The following CAST variants were observed in gnomAD, a reference collection of about 807,000 sequenced individuals.
CAST encodes MIR583 host.
CAST carries 76 observed loss-of-function variants against 119.6 expected under a neutral mutation model. That is an observed-to-expected ratio of 0.64 (90% CI 0.53 to 0.77). The LOEUF (loss-of-function observed/expected upper bound fraction) is 0.77, where lower values mean the gene tolerates loss of function less well. Among genes scored for constraint, CAST ranks in the 30% least tolerant of loss-of-function variants. The pLI is 0.00. For synonymous variants in CAST, 319 were observed against 331.6 expected (o/e 0.96, Z 0.41); for missense variants, 953 against 946.5 (o/e 1.01, Z -0.09).
At chr5:96,053,253 C>T in the CAST span, among the ~76,000 whole-genome samples, 3 of 152,164 alleles carry the variant, frequency 2.0e-5, no homozygotes, top group South Asian at 6.2e-4. Context: ...GTCTGAGGTA[C>T]AGCCTGGACA....
At chr5:96,398,840 A>AATATATATATGG in the CAST span, 2 of 1,517,514 alleles carry the variant, frequency 1.3e-6, no homozygotes, top group East Asian at 4.5e-5. Flanking sequence ...TTCAACTTAC[A>AATATATATATGG]CTTAAAAATA....
the CAST span, among the ~76,000 whole-genome samples, chr5:96,473,185 A>T: frequency 6.6e-6 from 1 of 152,218 alleles, no homozygotes. Context: ...TTAGGATGGG[A>T]ACATGTCTTT....
chr5:95,979,433 G>T, the CAST span, among the ~76,000 whole-genome samples: 2 of 152,110 alleles, frequency 1.3e-5, no homozygotes, highest in Non-Finnish European at 2.9e-5. Flanking sequence ...CAGGATAGAG[G>T]ATATAAGTAA....
chr5:96,069,633 C>T, the CAST span, among the ~76,000 whole-genome samples: 1 of 150,584 alleles, frequency 6.6e-6, no homozygotes, highest in Non-Finnish European at 1.5e-5. Context: ...CAGGTGTGTG[C>T]CACTACATCT....
chr5:96,605,561 C>T (rs17475276), intron 1 of CAST, among the ~76,000 whole-genome samples: 12,567 of 152,038 alleles, frequency 0.083, 595 homozygotes, highest in African/African-American at 0.14. Flanking sequence ...ATGTATAAAA[C>T]GTTGCTAGCC....
the CAST span, among the ~76,000 whole-genome samples, chr5:96,071,750 A>G: frequency 6.6e-6 from 1 of 152,188 alleles, no homozygotes; most frequent in Non-Finnish European, 1.5e-5. Context: ...TTTTTTAAAA[A>G]AAGTTTTAAA....
At chr5:96,201,379 C>T in the CAST span, among the ~76,000 whole-genome samples, 2 of 152,046 alleles carry the variant, frequency 1.3e-5, no homozygotes, top group Admixed American at 6.6e-5. Context: ...TCCTGGGATC[C>T]TGCACATTAA....
rs776948503 is a variant in CAST, at chr5:96,722,655, G to A, written c.227G>A (p.Gly76Asp). 2 of 1,613,136 alleles carry A rather than the reference G, an allele frequency of 1.2e-6. No individual in the cohort carries two copies. Among genetic ancestry groups the A allele is most frequent in the Admixed American group, 1.7e-5 (1 of 60,016 alleles). ...CCTTTCTAGGTGTCAGCTTCCTCTG[G>A]TGCAACCAGCAAGTCTTCCAGTATG... ...ASATKVSASSGATSKSSSMNP... is the reference protein window; with the variant it reads ...ASATKVSASSDATSKSSSMNP... Residue 76 changes from glycine to aspartate, a missense_variant, in exon 4 of 32, where the codon GGT becomes GAT. Transcript: ENST00000675179.
At chr5:96,153,547 T>C in the CAST span, among the ~76,000 whole-genome samples, 2 of 152,160 alleles carry the variant, frequency 1.3e-5, no homozygotes, top group African/African-American at 4.8e-5. Context: ...GCCCCAAAAA[T>C]GTCAGGGGCA....
At chr5:96,614,100 C>G (rs528472319) in intron 1 of CAST, among the ~76,000 whole-genome samples, 1 of 152,138 alleles carries the variant, frequency 6.6e-6, no homozygotes, top group African/African-American at 2.4e-5. Flanking sequence ...CAAATGCTGC[C>G]GGTCCAAGGA....
intron 1 of CAST, among the ~76,000 whole-genome samples, chr5:96,664,495 C>G (rs1749063733): frequency 6.6e-6 from 1 of 152,062 alleles, no homozygotes; most frequent in African/African-American, 2.4e-5. Flanking sequence ...CTCCTGGTCT[C>G]AAGCAATCCT....
chr5:96,619,889 A>C (rs1747562933), intron 1 of CAST, among the ~76,000 whole-genome samples: 1 of 152,216 alleles, frequency 6.6e-6, no homozygotes, highest in South Asian at 2.1e-4. Context: ...GGGTTACCTG[A>C]CTTGAATTGG....
At chr5:96,452,976 A>AAAAAAAAAAAAAAGAAG in the CAST span, among the ~76,000 whole-genome samples, 2 of 142,352 alleles carry the variant, frequency 1.4e-5, no homozygotes, top group African/African-American at 5.9e-5. Context: ...AAAAAAAAAA[A>AAAAAAAAAAAAAAGAAG]CAGAAGAAAG....
intron 1 of CAST, among the ~76,000 whole-genome samples, chr5:96,542,436 C>A (rs996182527): frequency 6.8e-6 from 1 of 146,078 alleles, no homozygotes; most frequent in African/African-American, 2.5e-5. Flanking sequence ...CACATCCTCA[C>A]CAGCATTTGG....
chr5:96,527,001 C>T (rs950193945), upstream of CAST, among the ~76,000 whole-genome samples: 2 of 152,160 alleles, frequency 1.3e-5, no homozygotes, highest in Non-Finnish European at 2.9e-5. Flanking sequence ...TGTCTTAGCA[C>T]TCACTGAGTC....
At chr5:96,193,245 A>C in the CAST span, among the ~76,000 whole-genome samples, 1 of 152,154 alleles carries the variant, frequency 6.6e-6, no homozygotes, top group Non-Finnish European at 1.5e-5. Flanking sequence ...TATTTGAAAA[A>C]AATGCTTCAT....
At chr5:96,167,940 C>T in the CAST span, among the ~76,000 whole-genome samples, 1 of 152,132 alleles carries the variant, frequency 6.6e-6, no homozygotes, top group Non-Finnish European at 1.5e-5. Flanking sequence ...GCAGATGGAA[C>T]ACTGAGAAGT....
At chr5:96,169,494 A>G in the CAST span, among the ~76,000 whole-genome samples, 1 of 152,202 alleles carries the variant, frequency 6.6e-6, no homozygotes, top group Non-Finnish European at 1.5e-5. Context: ...TCCTGAACTA[A>G]CTTGTAAGAC....
the CAST span, among the ~76,000 whole-genome samples, chr5:96,138,932 T>C: frequency 2.6e-5 from 4 of 151,966 alleles, no homozygotes; most frequent in African/African-American, 9.7e-5. Context: ...TTTTGTCTTA[T>C]TGCACAAACT....
Sources: gnomAD v4.1 joint callset for allele counts (sites outside exome capture counted in the v4.1 genomes callset) on GRCh38, gnomAD v4.1.1 for gene constraint, MANE v1.5 for transcripts, NCBI Gene and HGNC (gene_info 2026-07-23, HGNC 2026-07-21) for gene names.